The following KBTBD3 variants were observed in gnomAD, a reference collection of about 807,000 sequenced individuals.
KBTBD3 encodes the protein kelch repeat and BTB domain-containing protein 3.
Under a neutral mutation model 49.6 loss-of-function variants are expected in KBTBD3, and 38 were observed. The observed-to-expected ratio is 0.77, with a 90% CI of 0.59 to 1.00. The LOEUF (loss-of-function observed/expected upper bound fraction) is 1.00. KBTBD3 is among the 50% of genes least tolerant of loss of function. KBTBD3 has a pLI of 0.00. For missense variants in KBTBD3, 661 were observed against 712.0 expected (o/e 0.93, Z 0.81); for synonymous variants, 214 against 250.4 (o/e 0.85, Z 1.37).
At chr11:106,063,962 T>C (rs1860755722) in intron 2 of KBTBD3, among the ~76,000 whole-genome samples, 1 of 152,130 alleles carries the variant, frequency 6.6e-6, no homozygotes, top group African/African-American at 2.4e-5. Context: ...ATAATGTGTG[T>C]AAAATAAGTG....
In KBTBD3 at chr11:106,054,233, G is replaced by T. The variant is rs759301612; in HGVS notation, c.456C>A (p.Val152=). The T allele has an allele frequency of 2.5e-6, 4 of 1,611,812 alleles. No homozygotes were observed. The highest frequency in any genetic ancestry group is 2.2e-5 in the East Asian group (1 of 44,776). Residue 152 remains valine, a synonymous_variant, in exon 4 of 4, where the codon GTC becomes GTA. Transcript: ENST00000531837. The stretch of plus-strand genomic sequence containing the variant: ...ATATAGATAATAACTGTAAACAATT[G>T]ACAAGATTAATACTTTTTATTAAAA... ...SDFLIKSINL[V]NCLQLLSISD...
rs1375718068 is a variant in KBTBD3, at chr11:106,058,753, T to TTTTA, written c.233+111_233+112insTAAA. 125 of 699,144 alleles carry TTTTA rather than the reference T, an allele frequency of 1.8e-4. 1 individual carries two copies. In the African/African-American group the frequency reaches 2.3e-3, roughly 13 times the overall value. 43.3% of individuals were successfully genotyped at this position (699,144 alleles called of 1,614,324 possible). A position where few individuals can be genotyped will look rare whatever the true frequency, so the allele number is the denominator to read the frequency against. On this transcript the variant is annotated intron_variant, in intron 3 of 3. Coordinates refer to ENST00000531837, the MANE Select transcript of KBTBD3 (RefSeq NM_198439.3). ...TAGGTTTTGTTTTTGTTTTTTTTTT[T>TTTTA]AGAATTAAAAATTACTGTTGCATGT...
intron 2 of KBTBD3, among the ~76,000 whole-genome samples, chr11:106,062,271 C>T (rs898190192): frequency 2.0e-5 from 3 of 151,908 alleles, no homozygotes; most frequent in African/African-American, 4.8e-5. Context: ...CTAGAGAAAA[C>T]AAAACCAATG....
chr11:106,053,557 G>T lies in KBTBD3; in HGVS notation c.1132C>A (p.Pro378Thr). 6.2e-7 allele frequency: 1 copy of T among 1,613,734 alleles called. No homozygotes were observed. The highest frequency in any genetic ancestry group is 8.5e-7 in the Non-Finnish European group (1 of 1,179,866). Residue 378 changes from proline to threonine, a missense_variant, in exon 4 of 4, where the codon CCA (proline) becomes ACA (threonine). Pro to Thr is a conservative substitution (Grantham distance 38). Coordinates refer to ENST00000531837, the MANE Select transcript of KBTBD3 (RefSeq NM_198439.3). ...ACCAAGAAGAAATCATTTTTCACTG[G>T]ACAGTAGCACCAGGTTTGATCAGTG... is the stretch of plus-strand genomic sequence containing the variant. Reference protein sequence around the residue: ...DATDQTWCYCPVKNDFFLVST... With the variant: ...DATDQTWCYCTVKNDFFLVST...
At chr11:106,060,438 A>C (rs1591535527) in intron 2 of KBTBD3, among the ~76,000 whole-genome samples, 1 of 152,180 alleles carries the variant, frequency 6.6e-6, no homozygotes, top group Non-Finnish European at 1.5e-5. Flanking sequence ...CTAGATTCTC[A>C]TATCTGCTTC....
At chr11:106,072,136 G>A (rs1209915694) in intron 2 of KBTBD3, among the ~76,000 whole-genome samples, 1 of 152,128 alleles carries the variant, frequency 6.6e-6, no homozygotes, top group African/African-American at 2.4e-5. Context: ...ATGGATATCA[G>A]TGTGTTGGAA....
chr11:106,059,005 T>C lies in KBTBD3; in HGVS notation c.93A>G (p.Ser31=). The C allele has an allele frequency of 1.3e-6, 2 of 1,560,958 alleles. No homozygotes were observed. Among genetic ancestry groups the C allele is most frequent in the Non-Finnish European group, 1.7e-6 (2 of 1,163,362 alleles). Residue 31 remains serine (S), a synonymous_variant, in exon 3 of 4, where the codon TCA becomes TCG. Transcript: ENST00000531837. ...TTAAGATTTTTTGTCCATGATCTTC[T>C]GATACAAGGAAGTTGTTTTTCTTCT... ...PSEKKNNFLV[S]EDHGQKILSV... is the part of the protein sequence containing the mutation.
Position 106,052,675 on chromosome 11 carries a change from T to C in KBTBD3, c.*175A>G, listed in dbSNP as rs28588207. The C allele has an allele frequency of 1.3e-4, 68 of 535,762 alleles. No individual in the cohort carries two copies. Among genetic ancestry groups the C allele is most frequent in the African/African-American group, 1.2e-3 (61 of 52,466 alleles). 33.2% of individuals were successfully genotyped at this position (535,762 alleles called of 1,614,324 possible). A position where few individuals can be genotyped will look rare whatever the true frequency, so the allele number is the denominator to read the frequency against. ...AAATTATATTCAGTATAATTTTTGG[T>C]AAAATATATTTTGTATTTTAAGTTT... On this transcript the variant is annotated 3_prime_UTR_variant, in exon 4 of 4. Transcript: ENST00000531837.
chr11:106,053,929 A>G lies in KBTBD3; in HGVS notation c.760T>C (p.Cys254Arg), dbSNP rs1407721531. 3.7e-6 allele frequency: 6 copies of G among 1,613,978 alleles called. No individual in the cohort carries two copies. Among genetic ancestry groups the G allele is most frequent in the African/African-American group, 2.7e-5 (2 of 75,050 alleles). The stretch of plus-strand genomic sequence containing the variant: ...AGTAAACTCTCTTCATTGAACAGAC[A>G]GTCCTGAAGTGTCTCCTCAGATAAC... ...HQLSEETLQDCLFNEESLLKS... is the reference protein window; with the variant it reads ...HQLSEETLQDRLFNEESLLKS... Residue 254 changes from cysteine to arginine, a missense_variant, in exon 4 of 4, where the codon TGT (cysteine) becomes CGT (arginine). Physicochemically the swap from Cys to Arg is radical, Grantham distance 180 (BLOSUM62 -3). Coordinates refer to ENST00000531837, the MANE Select transcript of KBTBD3 (RefSeq NM_198439.3).
At chr11:106,061,226 A>G (rs1029372088) in intron 2 of KBTBD3, among the ~76,000 whole-genome samples, 1 of 152,204 alleles carries the variant, frequency 6.6e-6, no homozygotes, top group Non-Finnish European at 1.5e-5. Flanking sequence ...TGGAAGCTAG[A>G]TACTGGAGAA....
chr11:106,075,090 C>A (rs950943314), intron 2 of KBTBD3, among the ~76,000 whole-genome samples: 1 of 152,092 alleles, frequency 6.6e-6, no homozygotes, highest in African/African-American at 2.4e-5. Context: ...GTCACACAGA[C>A]AATTGGTGGT....
intron 3 of KBTBD3, among the ~76,000 whole-genome samples, chr11:106,057,154 G>A (rs1308711086): frequency 1.3e-5 from 2 of 152,126 alleles, no homozygotes; most frequent in African/African-American, 4.8e-5. Flanking sequence ...TGTTTAGCAG[G>A]AAGTATGTAT....
intron 2 of KBTBD3, among the ~76,000 whole-genome samples, chr11:106,066,259 C>A (rs763540995): frequency 6.6e-6 from 1 of 152,028 alleles, no homozygotes; most frequent in Non-Finnish European, 1.5e-5. Flanking sequence ...CAAATGGTTC[C>A]GTTTCTAGCC....
chr11:106,052,903 C>T lies in KBTBD3; in HGVS notation c.1786G>A (p.Val596Met), dbSNP rs1174091800. The part of the protein sequence containing the change: ...PRALTEFYCQ[V>M]IQFNKYRDPW... ...TCTCTGTATTTATTAAACTGAATCA[C>T]CTGGCAGTAAAATTCTGTTAAGGCT... Residue 596 changes from valine to methionine, a missense_variant, in exon 4 of 4, where the codon GTG (valine) becomes ATG (methionine). Coordinates refer to ENST00000531837, the MANE Select transcript of KBTBD3 (RefSeq NM_198439.3). 1 of 1,613,574 alleles carries T rather than the reference C, an allele frequency of 6.2e-7. No individual in the cohort carries two copies. Among genetic ancestry groups the T allele is most frequent in the Admixed American group, 1.7e-5 (1 of 59,980 alleles).
intron 3 of KBTBD3, among the ~76,000 whole-genome samples, chr11:106,056,455 A>T (rs1860555089): frequency 6.6e-6 from 1 of 152,230 alleles, no homozygotes; most frequent in African/African-American, 2.4e-5. Context: ...CAGGTCCATA[A>T]ATTGAAATGC....
chr11:106,060,694 A>C (rs1458989602), intron 2 of KBTBD3, among the ~76,000 whole-genome samples: 1 of 152,246 alleles, frequency 6.6e-6, no homozygotes, highest in African/African-American at 2.4e-5. Flanking sequence ...GAGACCTGGA[A>C]GAAAACCTAG....
intron 3 of KBTBD3, chr11:106,058,117 G>C: frequency 2.6e-6 from 1 of 391,440 alleles, no homozygotes. Flanking sequence ...CAGCGCAGTG[G>C]CTCACACCTG....
chr11:106,070,318 C>G (rs760365531), intron 2 of KBTBD3, among the ~76,000 whole-genome samples: 1 of 151,566 alleles, frequency 6.6e-6, no homozygotes, highest in South Asian at 2.1e-4. Context: ...AAAAGACAAG[C>G]TATGAGCCAG....
chr11:106,053,247 G>C lies in KBTBD3; in HGVS notation c.1442C>G (p.Ala481Gly), dbSNP rs1565400042. 6.2e-7 allele frequency: 1 copy of C among 1,613,670 alleles called. No individual in the cohort carries two copies. The highest frequency in any genetic ancestry group is 1.1e-5 in the South Asian group (1 of 91,072). The change falls in exon 4 of 4, where the codon GCT (alanine) becomes GGT (glycine). Residue 481 changes from alanine to glycine, a missense_variant. Transcript: ENST00000531837. ...TAGTTCAGACCACTGATCAGTTGTA[G>C]CATTGTATTTAAAAAAGCAATCAAG... ...PSLDCFFKYN[A>G]TTDQWSELVA...
Sources: allele counts gnomAD v4.1 joint callset (sites outside exome capture counted in the v4.1 genomes callset), GRCh38; gene constraint gnomAD v4.1.1; transcripts MANE v1.5; gene names NCBI Gene and HGNC (gene_info 2026-07-23, HGNC 2026-07-21).